The following EPS15 variants were observed in gnomAD, a reference collection of about 807,000 sequenced individuals.
The protein encoded by EPS15 is epidermal growth factor receptor substrate 15.
EPS15 carries 72 observed loss-of-function variants against 113.8 expected under a neutral mutation model. That is an observed-to-expected ratio of 0.63 (90% CI 0.52 to 0.77). The LOEUF (loss-of-function observed/expected upper bound fraction) is 0.77, where lower values mean the gene tolerates loss of function less well. Ranked by LOEUF, EPS15 falls within the 30% of genes least tolerant of loss-of-function variation. EPS15 has a pLI of 0.00. For missense variants in EPS15, 1,048 were observed against 1,045.8 expected, an observed-to-expected ratio of 1.00 and a Z score of -0.03; for synonymous variants, 344 against 363.4, an observed-to-expected ratio of 0.95 and a Z score of 0.61.
At chr1:51,357,631 C>A in intron 24 of EPS15, among the ~76,000 whole-genome samples, 1 of 144,330 alleles carries the variant, frequency 6.9e-6, no homozygotes, top group African/African-American at 2.6e-5. Context: ...TTTCCTAACC[C>A]TTAATGTGTA....
chr1:51,388,663 A>C (rs967117457), intron 21 of EPS15, among the ~76,000 whole-genome samples: 2 of 152,162 alleles, frequency 1.3e-5, no homozygotes, highest in Admixed American at 1.3e-4. Flanking sequence ...AGAAATACAA[A>C]CTACCATCAG....
chr1:51,489,314 T>C (rs970247050), intron 1 of EPS15, among the ~76,000 whole-genome samples: 2 of 141,386 alleles, frequency 1.4e-5, no homozygotes, highest in African/African-American at 2.7e-5. Flanking sequence ...TATGTATGTA[T>C]GTATGTATGT....
intron 2 of EPS15, among the ~76,000 whole-genome samples, chr1:51,475,664 G>A (rs1281714008): frequency 6.6e-6 from 1 of 152,146 alleles, no homozygotes; most frequent in Non-Finnish European, 1.5e-5. Flanking sequence ...CTTTTGCTGT[G>A]TGGAAGCTCT....
intron 16 of EPS15, among the ~76,000 whole-genome samples, chr1:51,404,291 T>C (rs367793313): frequency 1.3e-5 from 2 of 150,656 alleles, no homozygotes; most frequent in Non-Finnish European, 2.9e-5. Flanking sequence ...GGCAGGAGAA[T>C]AGCTTGAACC....
intron 1 of EPS15, among the ~76,000 whole-genome samples, chr1:51,493,573 TAAATAA>T (rs1644278177): frequency 9.1e-5 from 13 of 143,200 alleles, no homozygotes; most frequent in Admixed American, 5.4e-4. Context: ...AATAAATAAA[TAAATAA>T]AAATAAAGCT....
intron 1 of EPS15, among the ~76,000 whole-genome samples, chr1:51,482,822 A>G (rs1644046140): frequency 6.6e-6 from 1 of 151,992 alleles, no homozygotes; most frequent in South Asian, 2.1e-4. Context: ...ATGGCAGAAG[A>G]GAAGGGTATG....
At chr1:51,380,061 A>C (rs1184003723) in intron 21 of EPS15, among the ~76,000 whole-genome samples, 1 of 151,184 alleles carries the variant, frequency 6.6e-6, no homozygotes, top group Non-Finnish European at 1.5e-5. Context: ...TTCCAGGAAA[A>C]AAAAAAAAAA....
rs751745051 is a variant in EPS15, at chr1:51,403,551, A to C, written c.1678-19T>G. On this transcript the variant is annotated intron_variant, in intron 16 of 24. Transcript: ENST00000371733. Reference sequence around the variant, plus strand: ...TTCTTGCCTACAAAATATTAATGCAAGTAGATTAACAATATACTTTTTGAC... The same window carrying C: ...TTCTTGCCTACAAAATATTAATGCACGTAGATTAACAATATACTTTTTGAC... 1 of 1,372,754 alleles carries C rather than the reference A, an allele frequency of 7.3e-7. No homozygotes were observed. Among genetic ancestry groups the C allele is most frequent in the African/African-American group, 1.5e-5 (1 of 68,816 alleles). The allele number at this position is 1,372,754 out of a possible 1,614,324, so 85.0% of individuals were successfully genotyped here. A position where few individuals can be genotyped will look rare whatever the true frequency, so the allele number is the denominator to read the frequency against.
chr1:51,429,462 A>G (rs1149787), intron 12 of EPS15, among the ~76,000 whole-genome samples: 3,007 of 152,178 alleles, frequency 0.02, 63 homozygotes, highest in Non-Finnish European at 0.029. Flanking sequence ...TATGTTATGT[A>G]TATTTTATGA....
intron 21 of EPS15, among the ~76,000 whole-genome samples, chr1:51,383,234 CTTAATA>C (rs1379619567): frequency 6.6e-6 from 1 of 152,194 alleles, no homozygotes; most frequent in Non-Finnish European, 1.5e-5. Context: ...ACTACCTCAA[CTTAATA>C]AAGGCTATAT....
At chr1:51,509,539 A>G (rs72674564) in intron 1 of EPS15, among the ~76,000 whole-genome samples, 9,413 of 152,260 alleles carry the variant, frequency 0.062, 307 homozygotes, top group Non-Finnish European at 0.075. Flanking sequence ...ATAAAAGTCT[A>G]TTTTATAGGG....
rs1157863626 is a variant in EPS15 at position 51,508,331 on chromosome 1, A to AAAGAAAGAAAG, written c.33+10867_33+10868insCTTTCTTTCTT. 7.0e-3 allele frequency among the ~76,000 whole-genome samples: 737 copies of AAAGAAAGAAAG among 105,174 alleles called. 8 individuals carry two copies. The highest frequency in any genetic ancestry group is 0.027 in the African/African-American group (709 of 26,412). The allele number at this position is 105,174 out of a possible 152,430, so 69.0% of individuals were successfully genotyped here. Reference sequence around the variant, plus strand: ...GAGAGAAAGAGAGAAAGAGAGAAAGAGAAAGAGAGAAAGAAAGAAAGAAAG... The same window carrying AAAGAAAGAAAG: ...GAGAGAAAGAGAGAAAGAGAGAAAGAAAGAAAGAAAGGAAAGAGAGAAAGAAAGAAAGAAAG... On this transcript the variant is annotated intron_variant, in intron 1 of 24. Transcript: ENST00000371733.
At chr1:51,375,627 A>C (rs1646778985) in intron 21 of EPS15, among the ~76,000 whole-genome samples, 2 of 152,218 alleles carry the variant, frequency 1.3e-5, no homozygotes, top group African/African-American at 4.8e-5. Context: ...AATACATTAA[A>C]AACCTATATA....
At chr1:51,457,644 C>G (rs1188082010) in intron 8 of EPS15, 1 of 145,762 alleles carries the variant, frequency 6.9e-6, no homozygotes. Flanking sequence ...TAATTTTATA[C>G]AATCTTTTTA....
At chr1:51,384,808 A>G (rs909265458) in intron 21 of EPS15, among the ~76,000 whole-genome samples, 4 of 152,338 alleles carry the variant, frequency 2.6e-5, no homozygotes, top group South Asian at 4.1e-4. Context: ...ATATGGTCAA[A>G]TGATTTTCAA....
Position 51,406,096 on chromosome 1 carries a change from G to C in EPS15, c.1486C>G (p.Leu496Val), listed in dbSNP as rs759787883. Reference sequence around the variant, plus strand: ...TTTTCCAAATCTTTCATTTCCATCAGTTTCATTTGCATCTGCCAACACAAA... The same window carrying C: ...TTTTCCAAATCTTTCATTTCCATCACTTTCATTTGCATCTGCCAACACAAA... ...QQEISSMQMK[L>V]MEMKDLENHN... Residue 496 changes from leucine (L) to valine (V), a missense_variant, in exon 16 of 25, where the codon CTG becomes GTG. Physicochemically the swap from Leu to Val is conservative, Grantham distance 32 (BLOSUM62 1). Transcript: ENST00000371733. 6.2e-7 allele frequency: 1 copy of C among 1,613,082 alleles called. No homozygotes were observed. Among genetic ancestry groups the C allele is most frequent in the East Asian group, 2.2e-5 (1 of 44,886 alleles).
chr1:51,407,387 C>T (rs1386562112), intron 15 of EPS15, among the ~76,000 whole-genome samples: 1 of 151,966 alleles, frequency 6.6e-6, no homozygotes, highest in Non-Finnish European at 1.5e-5. Flanking sequence ...TTAGTAGAAA[C>T]AGAGTTTGGC....
intron 1 of EPS15, among the ~76,000 whole-genome samples, chr1:51,488,958 A>G (rs1644177482): frequency 1.3e-5 from 2 of 152,164 alleles, no homozygotes; most frequent in African/African-American, 4.8e-5. Flanking sequence ...GACAGAATCT[A>G]GAGAAGCTAT....
intron 12 of EPS15, among the ~76,000 whole-genome samples, chr1:51,435,271 G>T (rs1570299809): frequency 6.6e-6 from 1 of 151,694 alleles, no homozygotes; most frequent in African/African-American, 2.4e-5. Context: ...TCGGCTCACT[G>T]CAACTTCTGC....
Sources: gnomAD v4.1 joint callset for allele counts (sites outside exome capture counted in the v4.1 genomes callset) on GRCh38, gnomAD v4.1.1 for gene constraint, MANE v1.5 for transcripts, NCBI Gene and HGNC (gene_info 2026-07-23, HGNC 2026-07-21) for gene names.